Variants in TBC1D12 observed in about 807,000 individuals in gnomAD.
The protein encoded by TBC1D12 is TBC1 domain family member 12.
A neutral mutation model predicts 86.7 loss-of-function variants in TBC1D12; 56 were observed. That is an observed-to-expected ratio of 0.65 (90% CI 0.52 to 0.81). The LOEUF (loss-of-function observed/expected upper bound fraction) is 0.81. Ranked by LOEUF, TBC1D12 falls within the 30% of genes least tolerant of loss-of-function variation. The pLI is 0.00. For missense variants in TBC1D12, 1,023 were observed against 1,038.8 expected (o/e 0.98, Z 0.21); for synonymous variants, 421 against 411.7 (o/e 1.02, Z -0.27).
intron 2 of TBC1D12, among the ~76,000 whole-genome samples, chr10:94,452,365 A>G (rs961685907): frequency 6.6e-6 from 1 of 152,134 alleles, no homozygotes; most frequent in Non-Finnish European, 1.5e-5. Flanking sequence ...GGACAAATGT[A>G]TAATGACGTG....
Position 94,529,510 on chromosome 10 carries a change from CG to C in TBC1D12, c.2001-1689del, listed in dbSNP as rs61472853. On this transcript the variant is annotated intron_variant, in intron 11 of 12. Coordinates refer to ENST00000225235, the MANE Select transcript of TBC1D12 (RefSeq NM_015188.2). ...GTCCATACCTGTAGTCACAGCTACT[CG>C]GGAGGCTGAGGCAGGAGAATCGCTT... Among the ~76,000 whole-genome samples the C allele has an allele frequency of 3.2e-3, 486 of 152,058 alleles. 1 individual carries two copies. Among genetic ancestry groups the C allele is most frequent in the African/African-American group, 0.011 (469 of 41,470 alleles).
intron 1 of TBC1D12, among the ~76,000 whole-genome samples, chr10:94,440,536 A>G (rs1388757760): frequency 1.3e-5 from 2 of 152,106 alleles, no homozygotes; most frequent in African/African-American, 4.8e-5. Flanking sequence ...AACATTTTTC[A>G]TTAAAAACTT....
chr10:94,422,868 G>C (rs2055094313), intron 1 of TBC1D12, among the ~76,000 whole-genome samples: 1 of 152,132 alleles, frequency 6.6e-6, no homozygotes, highest in Non-Finnish European at 1.5e-5. Flanking sequence ...CACCACACCT[G>C]GCTAAGCTAC....
At position 94,407,949 on chromosome 10, in the gene TBC1D12, G is replaced by A. The variant is rs182979601; in HGVS notation, c.971+4365G>A. On this transcript the variant is annotated intron_variant, in intron 1 of 12. Transcript: ENST00000225235. ...TCACTGCACTCTAGCCTGGGTGACAGAGTGAGACCATGTCTCTTAAAAAAA... is the reference window on the plus strand; with the variant it reads ...TCACTGCACTCTAGCCTGGGTGACAAAGTGAGACCATGTCTCTTAAAAAAA... 6.6e-3 allele frequency among the ~76,000 whole-genome samples: 1,013 copies of A among 152,342 alleles called. 5 individuals carry two copies. The highest frequency in any genetic ancestry group is 0.011 in the Non-Finnish European group (766 of 68,034).
chr10:94,515,327 T>C (rs2056577994), intron 9 of TBC1D12, among the ~76,000 whole-genome samples: 1 of 151,580 alleles, frequency 6.6e-6, no homozygotes, highest in Non-Finnish European at 1.5e-5. Context: ...GTGGAATATA[T>C]AGGTTTGGTT....
chr10:94,501,441 A>G (rs2134190251), intron 6 of TBC1D12: 3 of 153,578 alleles, frequency 2.0e-5, no homozygotes, highest in Middle Eastern at 1.1e-3. Context: ...CAAAAAAAGA[A>G]AAAAAAAACC....
In TBC1D12 at chr10:94,454,282, C is replaced by T. The variant is rs546302045; in HGVS notation, c.1095+12263C>T. On this transcript the variant is annotated intron_variant, in intron 2 of 12. Coordinates refer to ENST00000225235, the MANE Select transcript of TBC1D12 (RefSeq NM_015188.2). ...TGTTGCCCAGGCTGGAGTGCAGTGG[C>T]GCCACCACAACCTCCACCTCCCAGG... is the stretch of plus-strand genomic sequence containing the variant. Among the ~76,000 whole-genome samples the T allele has an allele frequency of 7.9e-5, 12 of 152,222 alleles. No individual in the cohort carries two copies. The South Asian group carries it at 1.7e-3, about 21-fold the overall frequency.
At chr10:94,515,207 G>A (rs188359949) in intron 9 of TBC1D12, among the ~76,000 whole-genome samples, 56 of 151,468 alleles carry the variant, frequency 3.7e-4, no homozygotes, top group Non-Finnish European at 6.5e-4. Flanking sequence ...GCGCCCGGCC[G>A]CAAGTTTTTT....
chr10:94,510,978 C>T (rs938653621), intron 8 of TBC1D12, among the ~76,000 whole-genome samples: 1 of 151,820 alleles, frequency 6.6e-6, no homozygotes, highest in African/African-American at 2.4e-5. Context: ...GTGTATTCAT[C>T]ATACCCTTAT....
chr10:94,455,421 TTTCCTCTCCATCTGTC>T (rs763694466), intron 2 of TBC1D12, among the ~76,000 whole-genome samples: 17 of 152,170 alleles, frequency 1.1e-4, no homozygotes, highest in Admixed American at 9.2e-4. Flanking sequence ...TGAGGAAGTA[TTTCCTCTCCATCTGTC>T]TTGTGGAAGA....
Position 94,534,012 on chromosome 10 carries a change from CTG to C in TBC1D12, c.*918_*919del, listed in dbSNP as rs1842493879. 1 of 152,146 alleles carries C rather than the reference CTG, an allele frequency of 6.6e-6. No individual in the cohort carries two copies. The highest frequency in any genetic ancestry group is 1.5e-5 in the Non-Finnish European group (1 of 68,022). 9.4% of individuals were successfully genotyped at this position (152,146 alleles called of 1,614,324 possible). A position where few individuals can be genotyped will look rare whatever the true frequency, so the allele number is the denominator to read the frequency against. The stretch of plus-strand genomic sequence containing the variant: ...ATATTTTTTAGTTACAATTCTTCCA[CTG>C]TTTAACTCCAGTTTGAAATTTGAAA... On this transcript the variant is annotated 3_prime_UTR_variant, in exon 13 of 13. Transcript: ENST00000225235.
At chr10:94,464,027 G>A (rs1325216903) in intron 2 of TBC1D12, among the ~76,000 whole-genome samples, 1 of 151,984 alleles carries the variant, frequency 6.6e-6, no homozygotes, top group East Asian at 1.9e-4. Flanking sequence ...GCTTTGGTAA[G>A]ATTTCCTTTT....
chr10:94,419,923 A>T (rs2055052035), intron 1 of TBC1D12, among the ~76,000 whole-genome samples: 1 of 152,192 alleles, frequency 6.6e-6, no homozygotes, highest in African/African-American at 2.4e-5. Context: ...GCAAGCAGTT[A>T]ATCTGTTGAT....
chr10:94,413,945 G>A (rs2054962406), intron 1 of TBC1D12, among the ~76,000 whole-genome samples: 1 of 152,046 alleles, frequency 6.6e-6, no homozygotes, highest in Admixed American at 6.6e-5. Flanking sequence ...GCATTATTTA[G>A]AATTTCCAAA....
rs140095850 is a variant in TBC1D12 at position 94,413,711 on chromosome 10, A to C, written c.971+10127A>C. On this transcript the variant is annotated intron_variant, in intron 1 of 12. Coordinates refer to ENST00000225235, the MANE Select transcript of TBC1D12 (RefSeq NM_015188.2). ...TGAGAGTGAACTTGATAAGGTGTTT[A>C]ACTCATCTTTGAATTTGGCTTTTCA... Among the ~76,000 whole-genome samples the C allele has an allele frequency of 5.6e-3, 845 of 151,626 alleles. 7 individuals are homozygous for C. The highest frequency in any genetic ancestry group is 0.019 in the African/African-American group (803 of 41,390).
At chr10:94,463,199 AAATGATT>A (rs1207552571) in intron 2 of TBC1D12, among the ~76,000 whole-genome samples, 1 of 152,210 alleles carries the variant, frequency 6.6e-6, no homozygotes, top group African/African-American at 2.4e-5. Context: ...ATGTTTTCAT[AAATGATT>A]AATATGGATG....
chr10:94,510,773 G>A (rs1400261932), intron 8 of TBC1D12, among the ~76,000 whole-genome samples: 6 of 152,142 alleles, frequency 3.9e-5, no homozygotes, highest in African/African-American at 1.4e-4. Flanking sequence ...GCATAGCTGG[G>A]ATTATGGGAT....
At chr10:94,475,644 C>T (rs1046627114) in intron 3 of TBC1D12, among the ~76,000 whole-genome samples, 1 of 152,136 alleles carries the variant, frequency 6.6e-6, no homozygotes, top group Non-Finnish European at 1.5e-5. Flanking sequence ...CCATGTTGGC[C>T]AGGCTGGTCT....
At chr10:94,459,775 C>G (rs189556143) in intron 2 of TBC1D12, among the ~76,000 whole-genome samples, 3 of 152,324 alleles carry the variant, frequency 2.0e-5, no homozygotes, top group East Asian at 3.9e-4. Context: ...GCCAGTGGCA[C>G]CGGCCAGCAG....
Sources: allele counts gnomAD v4.1 joint callset (sites outside exome capture counted in the v4.1 genomes callset), GRCh38; gene constraint gnomAD v4.1.1; transcripts MANE v1.5; gene names NCBI Gene and HGNC (gene_info 2026-07-23, HGNC 2026-07-21).